FHAD1: variants seen among roughly 807,000 people sequenced by gnomAD.
The protein encoded by FHAD1 is forkhead associated phosphopeptide binding domain 1.
Under a neutral mutation model 191.3 loss-of-function variants are expected in FHAD1, and 146 were observed. That is an observed-to-expected ratio of 0.76 (90% confidence interval 0.67 to 0.88). The LOEUF is 0.88. FHAD1 is among the 40% of genes least tolerant of loss of function. The pLI, the probability that FHAD1 is intolerant of heterozygous loss-of-function variation, is 0.00. For missense variants in FHAD1, 1,635 were observed against 1,785.8 expected (o/e 0.92, Z 1.52); for synonymous variants, 616 against 672.3 (o/e 0.92, Z 1.29).
chr1:15,313,039 G>A lies in FHAD1; in HGVS notation c.1040-18G>A, dbSNP rs1005181038. On this transcript the variant is annotated intron_variant, in intron 7 of 33. Transcript: ENST00000688493. ...TCCTCACTGCCTCTTTGACCTCTGC[G>A]AGTCTTCTTTTTTACAGGGATGGTG... 19 of 1,551,246 alleles carry A rather than the reference G, an allele frequency of 1.2e-5. No homozygotes were observed. The highest frequency in any genetic ancestry group is 5.9e-5 in the Admixed American group (3 of 50,964).
In FHAD1 at chr1:15,385,816, C is replaced by T. The variant is rs574463213; in HGVS notation, c.4189-2235C>T. Among the ~76,000 whole-genome samples the T allele has an allele frequency of 6.6e-5, 10 of 152,324 alleles. No individual in the cohort carries two copies. The South Asian group carries it at 1.4e-3, about 22-fold the overall frequency. ...AAGGCATAGTTCTATACTAATACCTCTGGCTGTGCAAATCAGACCTGACAT... is the reference window on the plus strand; with the variant it reads ...AAGGCATAGTTCTATACTAATACCTTTGGCTGTGCAAATCAGACCTGACAT... On this transcript the variant is annotated intron_variant, in intron 31 of 33. Transcript: ENST00000688493.
At chr1:15,262,368 A>G (rs927815608) in intron 2 of FHAD1, among the ~76,000 whole-genome samples, 17 of 152,278 alleles carry the variant, frequency 1.1e-4, no homozygotes, top group African/African-American at 3.9e-4. Context: ...CCATTCTGCT[A>G]TTATCTCTGT....
At chr1:15,350,570 A>G (rs2479074) in intron 19 of FHAD1, among the ~76,000 whole-genome samples, 75,737 of 152,028 alleles carry the variant, frequency 0.5, 19,267 homozygotes, top group African/African-American at 0.59. Flanking sequence ...GGAAGGAACC[A>G]CAGAGCTTGG....
At chr1:15,238,275 A>G (rs1645003599) in intron 1 of FHAD1, among the ~76,000 whole-genome samples, 1 of 139,904 alleles carries the variant, frequency 7.1e-6, no homozygotes, top group South Asian at 2.4e-4. Flanking sequence ...AAAAAGGAGC[A>G]CTGTTGAAAT....
In FHAD1 at chr1:15,296,587, G is replaced by C. The variant is rs1442643301; in HGVS notation, c.569-97G>C. 7 of 1,099,458 alleles carry C rather than the reference G, an allele frequency of 6.4e-6. No homozygotes were observed. In the East Asian group the frequency reaches 1.6e-4, roughly 24 times the overall value. 68.1% of individuals were successfully genotyped at this position (1,099,458 alleles called of 1,614,324 possible). On this transcript the variant is annotated intron_variant, in intron 4 of 33. Coordinates refer to ENST00000688493, the MANE Select transcript of FHAD1 (RefSeq NM_001391957.1). ...TAAATTACATAAAATATCAATCTCTGGGGGGAAACAAACAGGAAGGCTAAC... is the reference window on the plus strand; with the variant it reads ...TAAATTACATAAAATATCAATCTCTCGGGGGAAACAAACAGGAAGGCTAAC...
rs1180009691 is a variant in FHAD1 at position 15,362,691 on chromosome 1, G to C, written c.3012G>C (p.Glu1004Asp). ...PQDPLVAPMT[E>D]SSAKDMAYEH... The stretch of plus-strand genomic sequence containing the variant: ...ACCCTCTGGTGGCTCCCATGACAGA[G>C]AGCAGTGCCAAAGACATGGCGTACG... Residue 1004 changes from glutamate (E) to aspartate (D), a missense_variant, in exon 23 of 34, where the codon GAG becomes GAC. Glu to Asp is a conservative substitution (Grantham distance 45, BLOSUM62 2). Coordinates refer to ENST00000688493, the MANE Select transcript of FHAD1 (RefSeq NM_001391957.1). The C allele has an allele frequency of 1.3e-6, 2 of 1,551,680 alleles. No homozygotes were observed. Among genetic ancestry groups the C allele is most frequent in the African/African-American group, 2.7e-5 (2 of 73,068 alleles).
intron 6 of FHAD1, among the ~76,000 whole-genome samples, chr1:15,305,578 A>G (rs1670204680): frequency 6.6e-6 from 1 of 152,150 alleles, no homozygotes; most frequent in Non-Finnish European, 1.5e-5. Context: ...ACCAAATCTC[A>G]ACTTGAATTG....
chr1:15,319,981 C>T (rs1416798823), intron 10 of FHAD1, among the ~76,000 whole-genome samples: 1 of 152,144 alleles, frequency 6.6e-6, no homozygotes, highest in Non-Finnish European at 1.5e-5. Flanking sequence ...AGTCAAAATG[C>T]TCTCTGGGCT....
chr1:15,347,029 A>T (rs1689145354), intron 18 of FHAD1, among the ~76,000 whole-genome samples: 1 of 152,216 alleles, frequency 6.6e-6, no homozygotes, highest in South Asian at 2.1e-4. Context: ...CTGCTGCAGG[A>T]GAAACAAAAA....
chr1:15,380,822 C>T (rs1254982338), intron 29 of FHAD1, 26 bp downstream of exon 29: 1 of 1,540,608 alleles, frequency 6.5e-7, no homozygotes, highest in East Asian at 2.4e-5. Flanking sequence ...ATCCACCCTG[C>T]TCCTATCCAA....
intron 25 of FHAD1, among the ~76,000 whole-genome samples, chr1:15,367,877 T>G (rs997445392): frequency 2.6e-5 from 4 of 152,186 alleles, no homozygotes; most frequent in Non-Finnish European, 5.9e-5. Flanking sequence ...CAAGGGATCC[T>G]GCTGTGCTTG....
chr1:15,341,382 G>A (rs77993735), intron 15 of FHAD1, among the ~76,000 whole-genome samples: 1,534 of 152,280 alleles, frequency 0.01, 33 homozygotes, highest in African/African-American at 0.036. Flanking sequence ...CTACATGACT[G>A]CTTTTTTTCC....
rs1316568009 is a variant in FHAD1, at chr1:15,312,841, G to A, written c.1040-216G>A. Among the ~76,000 whole-genome samples, 1 of 152,104 alleles carries A rather than the reference G, an allele frequency of 6.6e-6. No individual in the cohort carries two copies. Among genetic ancestry groups the A allele is most frequent in the Middle Eastern group, 3.2e-3 (1 of 316 alleles). On this transcript the variant is annotated intron_variant, in intron 7 of 33. Transcript: ENST00000688493. The surrounding 1 kb of genome is among the most constrained non-coding windows in gnomAD (Gnocchi z 4.7). ...CACAGCACCCCGACAGATGTTTCCT[G>A]TCTCCAGCAACACGCACTGACTGAC... is the stretch of plus-strand genomic sequence containing the variant.
At chr1:15,304,702 C>G (rs1669869798) in intron 6 of FHAD1, among the ~76,000 whole-genome samples, 1 of 152,130 alleles carries the variant, frequency 6.6e-6, no homozygotes. Flanking sequence ...GCAAGTATGG[C>G]CTTGGAGAGG....
At chr1:15,313,855 G>A (rs1434982075) in intron 8 of FHAD1, among the ~76,000 whole-genome samples, 1 of 152,018 alleles carries the variant, frequency 6.6e-6, no homozygotes, top group Non-Finnish European at 1.5e-5. Context: ...TGGATCACAC[G>A]AGATCAGGAG....
At chr1:15,264,227 A>G (rs1004278001) in intron 2 of FHAD1, among the ~76,000 whole-genome samples, 4 of 152,150 alleles carry the variant, frequency 2.6e-5, no homozygotes, top group Non-Finnish European at 5.9e-5. Flanking sequence ...CTTGGGTAGT[A>G]TTGATGTTCT....
At chr1:15,399,178 A>G (rs1465359779), downstream of FHAD1, among the ~76,000 whole-genome samples, 1 of 152,260 alleles carries the variant, frequency 6.6e-6, no homozygotes. Flanking sequence ...TTAAAACCAA[A>G]TATATTCTTT....
At chr1:15,236,907 A>AGTC in intron 1 of FHAD1, among the ~76,000 whole-genome samples, 1 of 152,328 alleles carries the variant, frequency 6.6e-6, no homozygotes, top group South Asian at 2.1e-4. Flanking sequence ...GAGGTAATTG[A>AGTC]GTCATGAGGG....
intron 20 of FHAD1, among the ~76,000 whole-genome samples, chr1:15,354,835 A>G (rs1471009876): frequency 6.6e-6 from 1 of 152,184 alleles, no homozygotes; most frequent in Non-Finnish European, 1.5e-5. Context: ...ACTAGAGAGA[A>G]TCTCTCCTAA....
Sources: allele counts gnomAD v4.1 joint callset (sites outside exome capture counted in the v4.1 genomes callset), GRCh38; gene constraint gnomAD v4.1.1; non-coding constraint Gnocchi (gnomAD v3.1); transcripts MANE v1.5; gene names NCBI Gene and HGNC (gene_info 2026-07-23, HGNC 2026-07-21).